Variants in ERC2 observed in about 807,000 individuals in gnomAD.
ERC2 encodes the protein ELKS/RAB6-interacting/CAST family member 2, also known as ERC protein 2.
Under a neutral mutation model 114.8 loss-of-function variants are expected in ERC2, and 42 were observed. The observed-to-expected ratio is 0.37, with a 90% CI of 0.29 to 0.47. The LOEUF (loss-of-function observed/expected upper bound fraction) is 0.47, where lower values mean the gene tolerates loss of function less well. Ranked by LOEUF, ERC2 falls within the 20% of genes least tolerant of loss-of-function variation. The probability of loss-of-function intolerance (pLI) is 0.99; values close to 1 mark genes in which losing one functional copy is unlikely to be tolerated. For synonymous variants in ERC2, 454 were observed against 425.5 expected (o/e 1.07, Z -0.82); for missense variants, 939 against 1,150.7 (o/e 0.82, Z 2.66).
At chr3:55,968,352 G>A (rs567358843) in intron 12 of ERC2, among the ~76,000 whole-genome samples, 18 of 152,272 alleles carry the variant, frequency 1.2e-4, no homozygotes, top group African/African-American at 2.6e-4. Flanking sequence ...TTTTCTCACC[G>A]AACAAATTGT....
At chr3:55,665,510 G>A (rs966527753) in intron 17 of ERC2, among the ~76,000 whole-genome samples, 3 of 152,080 alleles carry the variant, frequency 2.0e-5, no homozygotes, top group Non-Finnish European at 2.9e-5. Context: ...GGGAAATTTG[G>A]ACACAAGGAG....
intron 6 of ERC2, among the ~76,000 whole-genome samples, chr3:56,130,392 C>T (rs1175196386): frequency 6.6e-6 from 1 of 152,180 alleles, no homozygotes; most frequent in African/African-American, 2.4e-5. Context: ...ATGAATTTTC[C>T]TAATCCATTT....
At chr3:56,156,402 C>T (rs533148672) in intron 4 of ERC2, among the ~76,000 whole-genome samples, 65 of 152,138 alleles carry the variant, frequency 4.3e-4, no homozygotes, top group African/African-American at 1.4e-3. Context: ...GAGTGATTCC[C>T]GAGTCACTCA....
chr3:55,562,416 G>A (rs568028762), intron 17 of ERC2, among the ~76,000 whole-genome samples: 1 of 151,080 alleles, frequency 6.6e-6, no homozygotes, highest in African/African-American at 2.4e-5. Context: ...GCCTCCCAAA[G>A]TGCTGGGATT....
At chr3:56,164,985 C>G (rs563280909) in intron 4 of ERC2, among the ~76,000 whole-genome samples, 1 of 151,696 alleles carries the variant, frequency 6.6e-6, no homozygotes. Flanking sequence ...TTTAAAGAAA[C>G]GTTTTAATTA....
chr3:55,993,070 C>T (rs1435377885), intron 10 of ERC2, among the ~76,000 whole-genome samples: 3 of 150,900 alleles, frequency 2.0e-5, no homozygotes, highest in Non-Finnish European at 3.0e-5. Flanking sequence ...TTTTTTTTTT[C>T]CCAAAATAAA....
chr3:56,109,097 T>C (rs2078822011), intron 6 of ERC2, among the ~76,000 whole-genome samples: 1 of 152,136 alleles, frequency 6.6e-6, no homozygotes, highest in Non-Finnish European at 1.5e-5. Context: ...GGGTTTGTCA[T>C]ATAAATTATT....
chr3:55,733,538 TCTCTCA>T (rs745505957), intron 15 of ERC2, among the ~76,000 whole-genome samples: 2,843 of 74,092 alleles, frequency 0.038, 47 homozygotes, highest in Non-Finnish European at 0.048. Context: ...TCTTTCTCTC[TCTCTCA>T]CACACACACA....
intron 2 of ERC2, among the ~76,000 whole-genome samples, chr3:56,409,183 A>G (rs1310273593): frequency 6.6e-6 from 1 of 152,192 alleles, no homozygotes; most frequent in Non-Finnish European, 1.5e-5. Context: ...GCATTGTATC[A>G]ACACTCTGCT....
chr3:56,092,466 G>T (rs1220729956), intron 6 of ERC2, among the ~76,000 whole-genome samples: 1 of 152,144 alleles, frequency 6.6e-6, no homozygotes, highest in East Asian at 1.9e-4. Flanking sequence ...TTAATGCTCA[G>T]TTCAGTTCCA....
intron 17 of ERC2, among the ~76,000 whole-genome samples, chr3:55,531,884 G>A (rs1284769730): frequency 6.6e-6 from 1 of 152,196 alleles, no homozygotes; most frequent in Non-Finnish European, 1.5e-5. Flanking sequence ...TGGTGAAGGG[G>A]CTCATCTCAC....
intron 3 of ERC2, among the ~76,000 whole-genome samples, chr3:56,257,121 G>A (rs1208421919): frequency 2.6e-5 from 4 of 152,086 alleles, no homozygotes; most frequent in African/African-American, 9.7e-5. Flanking sequence ...AAAACCACTG[G>A]AATGAAACAA....
At chr3:55,845,985 T>C (rs562166366) in intron 14 of ERC2, among the ~76,000 whole-genome samples, 2 of 152,382 alleles carry the variant, frequency 1.3e-5, no homozygotes, top group East Asian at 3.8e-4. Context: ...CAAGGATTGA[T>C]ATTATATCAT....
chr3:56,310,700 A>G (rs1023336430), intron 2 of ERC2, among the ~76,000 whole-genome samples: 18 of 152,128 alleles, frequency 1.2e-4, no homozygotes, highest in African/African-American at 3.4e-4. Flanking sequence ...AGAAGGGAGA[A>G]TAACAGACCT....
At chr3:55,686,795 G>A (rs895952965) in intron 16 of ERC2, among the ~76,000 whole-genome samples, 5 of 152,136 alleles carry the variant, frequency 3.3e-5, no homozygotes, top group Admixed American at 6.6e-5. Context: ...AATGCTGCTC[G>A]GTGTTTGATC....
chr3:55,630,499 C>G (rs1309769243), intron 17 of ERC2, among the ~76,000 whole-genome samples: 2 of 152,300 alleles, frequency 1.3e-5, no homozygotes, highest in Non-Finnish European at 2.9e-5. Context: ...TCCTTACTGA[C>G]TCTCAAAGCA....
At chr3:56,029,342 A>G (rs1336438909) in intron 7 of ERC2, among the ~76,000 whole-genome samples, 2 of 151,814 alleles carry the variant, frequency 1.3e-5, no homozygotes, top group African/African-American at 4.9e-5. Context: ...AGTTACTGCC[A>G]TCATAAATTA....
At chr3:55,839,195 A>G (rs1391985149) in intron 14 of ERC2, among the ~76,000 whole-genome samples, 1 of 151,842 alleles carries the variant, frequency 6.6e-6, no homozygotes, top group African/African-American at 2.4e-5. Context: ...AATATACCAA[A>G]AGAAAAAAGA....
chr3:56,289,920 A>C (rs1225013992), intron 3 of ERC2, among the ~76,000 whole-genome samples: 1 of 152,066 alleles, frequency 6.6e-6, no homozygotes, highest in Admixed American at 6.6e-5. Context: ...TACTTACCTC[A>C]CTCTGCCTCT....
Sources: allele counts gnomAD v4.1 joint callset (sites outside exome capture counted in the v4.1 genomes callset), GRCh38; gene constraint gnomAD v4.1.1; transcripts MANE v1.5; gene names NCBI Gene and HGNC (gene_info 2026-07-23, HGNC 2026-07-21).